The following DOCK1 variants were observed in gnomAD, a reference collection of about 807,000 sequenced individuals.
The protein encoded by DOCK1 is dedicator of cytokinesis protein 1.
Under a neutral mutation model 262.7 loss-of-function variants are expected in DOCK1, and 138 were observed. The ratio of observed to expected loss-of-function variants is 0.53; its 90% CI spans 0.46 to 0.61. The LOEUF is 0.61. Among genes scored for constraint, DOCK1 ranks in the 20% least tolerant of loss-of-function variants. DOCK1 has a pLI of 0.00. For synonymous variants in DOCK1, 866 were observed against 867.4 expected, an observed-to-expected ratio of 1.00 and a Z score of 0.03; for missense variants, 1,908 against 2,370.7, an observed-to-expected ratio of 0.80 and a Z score of 4.05.
At chr10:126,906,811 C>T (rs1380900211) in intron 1 of DOCK1, among the ~76,000 whole-genome samples, 2 of 152,202 alleles carry the variant, frequency 1.3e-5, no homozygotes, top group African/African-American at 2.4e-5. Context: ...CAATGACTTA[C>T]AGTATGCCCT....
chr10:126,956,613 C>G (rs1374387692), intron 1 of DOCK1, among the ~76,000 whole-genome samples: 2 of 152,196 alleles, frequency 1.3e-5, no homozygotes, highest in Non-Finnish European at 2.9e-5. Context: ...AAAATCTAAG[C>G]AAATGTTTAT....
chr10:127,267,411 C>A (rs2060402272), intron 29 of DOCK1, among the ~76,000 whole-genome samples: 1 of 152,194 alleles, frequency 6.6e-6, no homozygotes, highest in Non-Finnish European at 1.5e-5. Context: ...TTGTTTATAA[C>A]CAATGTATTG....
At chr10:127,088,965 T>G (rs1046446130) in intron 23 of DOCK1, among the ~76,000 whole-genome samples, 1 of 151,674 alleles carries the variant, frequency 6.6e-6, no homozygotes, top group African/African-American at 2.4e-5. Flanking sequence ...GCACCAGGGG[T>G]CTGGAACCCT....
chr10:127,039,855 G>A (rs1166719600), intron 19 of DOCK1, among the ~76,000 whole-genome samples: 1 of 152,186 alleles, frequency 6.6e-6, no homozygotes, highest in Non-Finnish European at 1.5e-5. Context: ...CAAAAGATAC[G>A]CTGTCCCATT....
intron 29 of DOCK1, among the ~76,000 whole-genome samples, chr10:127,273,931 A>C (rs1022368171): frequency 7.9e-5 from 12 of 152,122 alleles, no homozygotes; most frequent in African/African-American, 2.9e-4. Context: ...TATGGGACCT[A>C]AAAAGCAAGC....
intron 16 of DOCK1, among the ~76,000 whole-genome samples, chr10:127,030,533 A>G (rs1181544507): frequency 2.0e-5 from 3 of 152,176 alleles, no homozygotes; most frequent in South Asian, 2.1e-4. Flanking sequence ...TGACTAATAA[A>G]TTGGATTGTC....
chr10:127,017,241 A>G (rs1388699786), intron 12 of DOCK1, among the ~76,000 whole-genome samples: 1 of 146,034 alleles, frequency 6.8e-6, no homozygotes, highest in Non-Finnish European at 1.5e-5. Context: ...ACACACAGAT[A>G]CAGACAGCCC....
intron 25 of DOCK1, among the ~76,000 whole-genome samples, chr10:127,111,062 G>A (rs1445890240): frequency 2.6e-5 from 4 of 152,118 alleles, no homozygotes; most frequent in African/African-American, 9.7e-5. Context: ...CTGGACATTT[G>A]GCTGCTCCAT....
intron 44 of DOCK1, among the ~76,000 whole-genome samples, chr10:127,416,314 C>A (rs2134443947): frequency 6.6e-6 from 1 of 152,336 alleles, no homozygotes; most frequent in African/African-American, 2.4e-5. Context: ...AATGCACTCC[C>A]TTTGCTGGGT....
chr10:127,150,524 A>G (rs1027193312), intron 27 of DOCK1, among the ~76,000 whole-genome samples: 1 of 152,224 alleles, frequency 6.6e-6, no homozygotes, highest in African/African-American at 2.4e-5. Context: ...TGGTGCACCC[A>G]TGATGCTGGG....
intron 29 of DOCK1, among the ~76,000 whole-genome samples, chr10:127,276,405 G>T (rs994690385): frequency 2.0e-5 from 3 of 152,130 alleles, no homozygotes; most frequent in African/African-American, 7.2e-5. Flanking sequence ...CCTTTTGCTG[G>T]TCCTCTGTCT....
chr10:127,378,616 G>GATAC (rs1225846886), intron 35 of DOCK1, among the ~76,000 whole-genome samples: 1 of 149,812 alleles, frequency 6.7e-6, no homozygotes, highest in Non-Finnish European at 1.5e-5. Context: ...CTCCGAGAGA[G>GATAC]GAATGAAGGT....
chr10:127,030,112 T>C (rs11018215), intron 16 of DOCK1, among the ~76,000 whole-genome samples: 26,201 of 152,188 alleles, frequency 0.17, 2,417 homozygotes, highest in South Asian at 0.32. Context: ...TAAGCCATGT[T>C]GTCTTGGGTA....
chr10:127,404,508 G>A, intron 40 of DOCK1, 79 bp downstream of exon 40: 1 of 1,406,356 alleles, frequency 7.1e-7, no homozygotes. Flanking sequence ...AGGAAGGGTG[G>A]GGAGTTTGCA....
chr10:127,269,887 GA>G (rs2060499190), intron 29 of DOCK1, among the ~76,000 whole-genome samples: 1 of 152,238 alleles, frequency 6.6e-6, no homozygotes, highest in Non-Finnish European at 1.5e-5. Context: ...TTGGCATAAC[GA>G]GAATAGAGAG....
intron 19 of DOCK1, 63 bp from the exon 20 acceptor site, chr10:127,042,562 T>C: frequency 7.1e-7 from 1 of 1,401,016 alleles, no homozygotes; most frequent in African/African-American, 1.4e-5. Context: ...ATGATAGTTA[T>C]TCCAGTGTGT....
intron 1 of DOCK1, among the ~76,000 whole-genome samples, chr10:126,962,020 C>A (rs1374975839): frequency 6.6e-6 from 1 of 152,080 alleles, no homozygotes. Flanking sequence ...TTTTTTGAGA[C>A]AGGGTCTCAC....
chr10:127,321,349 G>A (rs1167377096), intron 29 of DOCK1, among the ~76,000 whole-genome samples: 1 of 107,006 alleles, frequency 9.3e-6, no homozygotes, highest in African/African-American at 4.4e-5. Flanking sequence ...CCCTTCTCTC[G>A]CTCTCTCTCT....
chr10:127,063,677 T>G (rs1029014600), intron 23 of DOCK1, among the ~76,000 whole-genome samples: 4 of 152,338 alleles, frequency 2.6e-5, no homozygotes, highest in Admixed American at 1.3e-4. Context: ...GTGTGTAGTG[T>G]AAGAATAGAT....
Sources: allele counts gnomAD v4.1 joint callset (sites outside exome capture counted in the v4.1 genomes callset), GRCh38; gene constraint gnomAD v4.1.1; transcripts MANE v1.5; gene names NCBI Gene and HGNC (gene_info 2026-07-23, HGNC 2026-07-21).